Variants in MCPH1 observed in about 807,000 individuals in gnomAD.
MCPH1 encodes microcephalin 1, also known as microcephalin.
A neutral mutation model predicts 84.5 loss-of-function variants in MCPH1; 104 were observed. The ratio of observed to expected loss-of-function variants is 1.23; its 90% CI spans 1.05 to 1.45. The LOEUF is 1.45. Ranked by LOEUF, MCPH1 falls within the 40% of genes most tolerant of loss-of-function variation. The pLI is 0.00. For missense variants in MCPH1, 1,498 were observed against 1,005.7 expected (o/e 1.49, Z -6.62); for synonymous variants, 514 against 366.8 (o/e 1.40, Z -4.58).
chr8:6,503,335 G>C, intron 12 of MCPH1: 4 of 1,534,852 alleles, frequency 2.6e-6, no homozygotes, highest in Non-Finnish European at 3.6e-6. Flanking sequence ...GCAATACTCA[G>C]CTAAGGCAGG....
At chr8:6,473,552 C>T (rs1015262725) in intron 9 of MCPH1, among the ~76,000 whole-genome samples, 1 of 151,928 alleles carries the variant, frequency 6.6e-6, no homozygotes, top group Non-Finnish European at 1.5e-5. Context: ...AGGATGGTCT[C>T]GATCTGCTGA....
At chr8:6,456,210 A>T (rs975894494) in intron 9 of MCPH1, among the ~76,000 whole-genome samples, 1 of 152,218 alleles carries the variant, frequency 6.6e-6, no homozygotes, top group African/African-American at 2.4e-5. Context: ...AGGTAAAGCA[A>T]CAGATGTGGA....
intron 13 of MCPH1, among the ~76,000 whole-genome samples, chr8:6,634,674 G>C (rs1399627476): frequency 6.6e-6 from 1 of 152,186 alleles, no homozygotes; most frequent in Non-Finnish European, 1.5e-5. Context: ...ACTTCGTACA[G>C]GCCTCTTGTG....
chr8:6,560,441 G>A (rs1825347089), intron 12 of MCPH1, among the ~76,000 whole-genome samples: 1 of 152,188 alleles, frequency 6.6e-6, no homozygotes, highest in Non-Finnish European at 1.5e-5. Flanking sequence ...AAAACAAACA[G>A]TGAGGTTACA....
rs1006557104 is a variant in MCPH1 at position 6,645,231 on chromosome 8, T to G, written c.*2182T>G. 2.0e-5 allele frequency: 3 copies of G among 152,252 alleles called. No homozygotes were observed. Among genetic ancestry groups the G allele is most frequent in the Non-Finnish European group, 4.4e-5 (3 of 68,052 alleles). 9.4% of individuals were successfully genotyped at this position (152,252 alleles called of 1,614,324 possible). On this transcript the variant is annotated 3_prime_UTR_variant, in exon 14 of 14. Transcript: ENST00000344683. ...AGTGTTAAGTTCTGATCCCTGATGC[T>G]GGCCTGCCAGTGGCCAGTCAAGATT...
intron 12 of MCPH1, among the ~76,000 whole-genome samples, chr8:6,524,775 G>T (rs562423511): frequency 6.6e-6 from 1 of 152,334 alleles, no homozygotes; most frequent in South Asian, 2.1e-4. Context: ...GCCATGTAAG[G>T]TCTGTAAATA....
At chr8:6,420,676 T>TATA (rs1380627488) in intron 3 of MCPH1, among the ~76,000 whole-genome samples, 1 of 152,212 alleles carries the variant, frequency 6.6e-6, no homozygotes, top group East Asian at 1.9e-4. Flanking sequence ...GCTGTTACAG[T>TATA]CGAGACAAGT....
At chr8:6,412,196 G>A (rs1287199187) in intron 2 of MCPH1, among the ~76,000 whole-genome samples, 1 of 152,164 alleles carries the variant, frequency 6.6e-6, no homozygotes, top group Non-Finnish European at 1.5e-5. Context: ...ACTGCAGGAG[G>A]GGAGACATGC....
At chr8:6,626,411 A>G (rs1306062795) in intron 13 of MCPH1, 1 of 984,124 alleles carries the variant, frequency 1.0e-6, no homozygotes, top group African/African-American at 1.8e-5. Context: ...ACTTGGGCCA[A>G]GATTCTTGAT....
At chr8:6,539,029 T>TTGTGTGTG (rs34625219) in intron 12 of MCPH1, among the ~76,000 whole-genome samples, 1 of 151,400 alleles carries the variant, frequency 6.6e-6, no homozygotes, top group Non-Finnish European at 1.5e-5. Context: ...AGAGTTGGGC[T>TTGTGTGTG]TGTGTGTGTG....
intron 12 of MCPH1, among the ~76,000 whole-genome samples, chr8:6,506,712 G>A (rs1813795512): frequency 6.6e-6 from 1 of 151,442 alleles, no homozygotes; most frequent in African/African-American, 2.4e-5. Flanking sequence ...GTGTAATAAT[G>A]GTGTAACATA....
At chr8:6,532,165 T>C (rs1003914438) in intron 12 of MCPH1, among the ~76,000 whole-genome samples, 6 of 152,232 alleles carry the variant, frequency 3.9e-5, no homozygotes, top group Non-Finnish European at 7.3e-5. Context: ...TACTGATTTT[T>C]AATTCATAAG....
At chr8:6,503,607 C>G (rs758501034) in intron 12 of MCPH1, among the ~76,000 whole-genome samples, 1 of 152,216 alleles carries the variant, frequency 6.6e-6, no homozygotes, top group Admixed American at 6.5e-5. Context: ...TTGGAAAACT[C>G]TCCTTCAACC....
chr8:6,571,379 A>C (rs1826647647), intron 12 of MCPH1, among the ~76,000 whole-genome samples: 1 of 152,142 alleles, frequency 6.6e-6, no homozygotes, highest in South Asian at 2.1e-4. Context: ...AGGTGGGCTT[A>C]TTTGTTATAA....
At chr8:6,597,313 GC>G (rs1178076097) in intron 12 of MCPH1, among the ~76,000 whole-genome samples, 1 of 152,140 alleles carries the variant, frequency 6.6e-6, no homozygotes, top group Admixed American at 6.5e-5. Context: ...GCAAGCCCCA[GC>G]GTTTCCCACC....
intron 12 of MCPH1, chr8:6,621,161 T>A: frequency 2.2e-6 from 1 of 446,144 alleles, no homozygotes; most frequent in Non-Finnish European, 4.1e-6. Flanking sequence ...GTGCTAACAG[T>A]TGCTTTTCAA....
Position 6,599,380 on chromosome 8 carries a change from C to T in MCPH1, c.2215-22074C>T, listed in dbSNP as rs2922848. Among the ~76,000 whole-genome samples, 5,535 of 152,258 alleles carry T rather than the reference C, an allele frequency of 0.036. 609 individuals are homozygous for T. In the East Asian group the frequency reaches 0.43, roughly 12 times the overall value. The stretch of plus-strand genomic sequence containing the variant: ...GACGCCAGGCCCCAACTGTTTAAAG[C>T]AGAGCGCGGCTTAGTGAAAGAATGA... On this transcript the variant is annotated intron_variant, in intron 12 of 13. Transcript: ENST00000344683.
intron 13 of MCPH1, chr8:6,635,224 T>G (rs911213523): frequency 6.6e-6 from 1 of 152,144 alleles, no homozygotes; most frequent in African/African-American, 2.4e-5. Context: ...TCATTGACTG[T>G]TGGGGAAATA....
chr8:6,422,354 T>C (rs1325529479), intron 3 of MCPH1, among the ~76,000 whole-genome samples: 2 of 152,174 alleles, frequency 1.3e-5, no homozygotes, highest in Non-Finnish European at 2.9e-5. Context: ...AAAAACTACA[T>C]TTTAAAAGTC....
Sources: gnomAD v4.1 joint callset for allele counts (sites outside exome capture counted in the v4.1 genomes callset) on GRCh38, gnomAD v4.1.1 for gene constraint, MANE v1.5 for transcripts, NCBI Gene and HGNC (gene_info 2026-07-23, HGNC 2026-07-21) for gene names.